RBM18: variants seen among roughly 807,000 people sequenced by gnomAD.
RBM18 encodes the protein RNA binding motif protein 18.
Under a neutral mutation model 26.4 loss-of-function variants are expected in RBM18, and 18 were observed. The ratio of observed to expected loss-of-function variants is 0.68; its 90% CI spans 0.47 to 1.01. The LOEUF (loss-of-function observed/expected upper bound fraction) is 1.01, where lower values mean the gene tolerates loss of function less well. Ranked by LOEUF, RBM18 falls within the 50% of genes least tolerant of loss-of-function variation. The pLI is 0.00. For synonymous variants in RBM18, 74 were observed against 81.1 expected (o/e 0.91, Z 0.47); for missense variants, 180 against 219.2 (o/e 0.82, Z 1.13).
intron 5 of RBM18, chr9:122,243,799 A>G (rs1022663595): frequency 3.7e-5 from 36 of 985,224 alleles, no homozygotes; most frequent in African/African-American, 7.0e-5. Context: ...CTGATTTTGT[A>G]TAAGTCACAG....
At chr9:122,248,503 G>A (rs544841118) in intron 3 of RBM18, among the ~76,000 whole-genome samples, 50 of 152,282 alleles carry the variant, frequency 3.3e-4, no homozygotes, top group Middle Eastern at 3.4e-3. Flanking sequence ...AAACTAGGCC[G>A]GAAAAAGCAG....
intron 3 of RBM18, among the ~76,000 whole-genome samples, chr9:122,250,916 TTATTAC>T (rs1831592799): frequency 1.3e-5 from 2 of 150,660 alleles, no homozygotes; most frequent in East Asian, 3.9e-4. Context: ...ATTATTATTA[TTATTAC>T]TATTATTATT....
In RBM18 at chr9:122,249,193, C is replaced by CT. The variant is rs542562692; in HGVS notation, c.241-1590dup. The stretch of plus-strand genomic sequence containing the variant: ...ATTTAAAAATATTATTAAATGTCTA[C>CT]TTTTTTTTTATACTTTCATCTATTC... On this transcript the variant is annotated intron_variant, in intron 3 of 5. Transcript: ENST00000417201. 4.8e-3 allele frequency among the ~76,000 whole-genome samples: 722 copies of CT among 151,168 alleles called. 8 individuals carry two copies. Among genetic ancestry groups the CT allele is most frequent in the Middle Eastern group, 0.024 (7 of 292 alleles).
chr9:122,247,724 A>T, intron 3 of RBM18, 120 bp from the exon 4 acceptor site: 1 of 742,580 alleles, frequency 1.3e-6, no homozygotes, highest in East Asian at 2.7e-5. Context: ...TTTGGTAAAT[A>T]ACTGGCAAGG....
intron 2 of RBM18, among the ~76,000 whole-genome samples, chr9:122,254,522 G>A (rs1353973108): frequency 6.6e-6 from 1 of 152,202 alleles, no homozygotes; most frequent in Non-Finnish European, 1.5e-5. Context: ...CTCAGCAGAG[G>A]CTTGCTTCAC....
intron 3 of RBM18, among the ~76,000 whole-genome samples, 184 bp downstream of exon 3, chr9:122,251,663 T>A (rs1320710989): frequency 6.6e-6 from 1 of 152,228 alleles, no homozygotes; most frequent in Non-Finnish European, 1.5e-5. Context: ...GGACAGTGAA[T>A]TGTGAAAGCC....
At chr9:122,255,109 G>A (rs1376337873) in intron 2 of RBM18, among the ~76,000 whole-genome samples, 1 of 152,216 alleles carries the variant, frequency 6.6e-6, no homozygotes, top group Non-Finnish European at 1.5e-5. Flanking sequence ...GGAAGCCCAT[G>A]AAATGACATT....
chr9:122,244,888 C>T (rs1252347712), intron 5 of RBM18, among the ~76,000 whole-genome samples: 1 of 152,066 alleles, frequency 6.6e-6, no homozygotes, highest in African/African-American at 2.4e-5. Context: ...TATAAGGGAA[C>T]TTAAGATTGG....
chr9:122,262,924 G>A, intron 1 of RBM18, among the ~76,000 whole-genome samples: 1 of 152,126 alleles, frequency 6.6e-6, no homozygotes, highest in East Asian at 1.9e-4. Context: ...TTCTTTCTGA[G>A]CTTCAGTTTA....
At chr9:122,247,740 C>T (rs1831527021) in intron 3 of RBM18, 136 bp from the exon 4 acceptor site, 1 of 530,706 alleles carries the variant, frequency 1.9e-6, no homozygotes. Context: ...CAAGGGTTTA[C>T]AATTTTACAA....
At chr9:122,255,281 T>C (rs1035903959) in intron 2 of RBM18, among the ~76,000 whole-genome samples, 10 of 152,200 alleles carry the variant, frequency 6.6e-5, no homozygotes, top group African/African-American at 2.2e-4. Context: ...GGCTGTTTCA[T>C]GTAAACCAAG....
chr9:122,259,336 G>A (rs1327339430), intron 2 of RBM18, among the ~76,000 whole-genome samples: 5 of 152,156 alleles, frequency 3.3e-5, no homozygotes, highest in Admixed American at 1.3e-4. Context: ...AAACCACTAT[G>A]AGCATCCCCT....
intron 3 of RBM18, among the ~76,000 whole-genome samples, chr9:122,250,306 C>T (rs944860144): frequency 4.6e-5 from 7 of 152,090 alleles, no homozygotes; most frequent in African/African-American, 1.4e-4. Flanking sequence ...AAAAACTATG[C>T]ATGGACTTTG....
At chr9:122,263,078 T>C (rs1053602680) in intron 1 of RBM18, among the ~76,000 whole-genome samples, 1 of 152,058 alleles carries the variant, frequency 6.6e-6, no homozygotes, top group Non-Finnish European at 1.5e-5. Flanking sequence ...AGAACACATA[T>C]CCTATACCCA....
chr9:122,254,436 G>GA lies in RBM18; in HGVS notation c.114-2464dup, dbSNP rs1364035982. ...GATGGGGACTGCAGGCTCTGATAGTGAAAAAAGCCTGAAGGATCTTGCTTT... is the reference window on the plus strand; with the variant it reads ...GATGGGGACTGCAGGCTCTGATAGTGAAAAAAAGCCTGAAGGATCTTGCTTT... On this transcript the variant is annotated intron_variant, in intron 2 of 5. Coordinates refer to ENST00000417201, the MANE Select transcript of RBM18 (RefSeq NM_033117.4). The GA allele has an allele frequency of 5.7e-5, 14 of 243,956 alleles. 1 individual carries two copies. The highest frequency in any genetic ancestry group is 9.2e-5 in the Non-Finnish European group (14 of 151,832). The allele number at this position is 243,956 out of a possible 1,614,324, so 15.1% of individuals were successfully genotyped here.
In RBM18 at chr9:122,247,094, C is replaced by A. The variant is rs1424903385; in HGVS notation, c.327+424G>T. On this transcript the variant is annotated intron_variant, in intron 4 of 5. Transcript: ENST00000417201. ...TAAGGAGATGCCAGTGCTTTAAGCA[C>A]TCACAGAAACTACCCATGTCTCAAG... 3.3e-5 allele frequency among the ~76,000 whole-genome samples: 5 copies of A among 152,118 alleles called. No individual in the cohort carries two copies. The East Asian group carries it at 9.6e-4, about 29-fold the overall frequency.
intron 5 of RBM18, 131 bp downstream of exon 5, chr9:122,245,125 T>G: frequency 1.5e-6 from 1 of 646,042 alleles, no homozygotes; most frequent in Non-Finnish European, 2.8e-6. Context: ...GGAGACTAAC[T>G]GAACATCTCT....
chr9:122,249,304 C>T (rs1831559280), intron 3 of RBM18, among the ~76,000 whole-genome samples: 1 of 152,072 alleles, frequency 6.6e-6, no homozygotes, highest in Non-Finnish European at 1.5e-5. Flanking sequence ...AGTTAGGAGA[C>T]TTGCTCAAAG....
At chr9:122,253,751 C>T (rs1045325257) in intron 2 of RBM18, among the ~76,000 whole-genome samples, 11 of 150,908 alleles carry the variant, frequency 7.3e-5, no homozygotes, top group African/African-American at 1.7e-4. Flanking sequence ...CTAGGCCAGG[C>T]GCAGTGGCTC....
Sources: allele counts gnomAD v4.1 joint callset (sites outside exome capture counted in the v4.1 genomes callset), GRCh38; gene constraint gnomAD v4.1.1; transcripts MANE v1.5; gene names NCBI Gene and HGNC (gene_info 2026-07-23, HGNC 2026-07-21).